The following NDUFA13 variants were observed in gnomAD, a reference collection of about 807,000 sequenced individuals.
NDUFA13 encodes NADH:ubiquinone oxidoreductase subunit A13.
NDUFA13 carries 16 observed loss-of-function variants against 17.0 expected under a neutral mutation model. The observed-to-expected ratio is 0.94, with a 90% CI of 0.64 to 1.43. NDUFA13 has a LOEUF of 1.43. Ranked by LOEUF, NDUFA13 falls within the 40% of genes most tolerant of loss-of-function variation. NDUFA13 has a pLI of 0.00. For synonymous variants in NDUFA13, 87 were observed against 78.4 expected (o/e 1.11, Z -0.58); for missense variants, 228 against 206.7 (o/e 1.10, Z -0.63).
chr19:19,527,458 C>G, intron 3 of NDUFA13, 106 bp downstream of exon 3: 1 of 1,350,608 alleles, frequency 7.4e-7, no homozygotes, highest in Non-Finnish European at 1.1e-6. Flanking sequence ...TGGGGGCCAT[C>G]GCCCTGTGCC....
intron 1 of NDUFA13, among the ~76,000 whole-genome samples, chr19:19,525,421 C>G (rs1568359666): frequency 6.6e-6 from 1 of 152,238 alleles, no homozygotes; most frequent in Non-Finnish European, 1.5e-5. Flanking sequence ...CCCTGGAGGC[C>G]TGGAGATGGC....
Position 19,527,353 on chromosome 19 carries a change from G to A in NDUFA13, c.245+1G>A, listed in dbSNP as rs1242934959. On this transcript the variant is annotated splice_donor_variant, in intron 3 of 4. Transcript: ENST00000507754. LOFTEE classifies it high-confidence loss of function. ...TGTTACAGGCAGAAACCGACCGGAG[G>A]TAGCACCGCAGGGGCCAAGGTTGGG... 5.0e-6 allele frequency: 8 copies of A among 1,613,700 alleles called. No homozygotes were observed. The African/African-American group carries it at 9.3e-5, about 19-fold the overall frequency.
At chr19:19,527,464 G>C (rs1174752902) in intron 3 of NDUFA13, 112 bp downstream of exon 3, 1 of 1,337,644 alleles carries the variant, frequency 7.5e-7, no homozygotes, top group African/African-American at 1.4e-5. Context: ...CCATCGCCCT[G>C]TGCCGTCAGC....
intron 1 of NDUFA13, among the ~76,000 whole-genome samples, chr19:19,522,611 G>T (rs1184000731): frequency 6.7e-6 from 1 of 149,974 alleles, no homozygotes; most frequent in South Asian, 2.1e-4. Flanking sequence ...CCTGAGTAGC[G>T]GGGACTACAA....
chr19:19,516,260 C>G lies in NDUFA13; in HGVS notation c.22C>G (p.Gln8Glu), dbSNP rs777712324. The change falls in exon 1 of 5, where the codon CAG becomes GAG. Residue 8 changes from glutamine (Q) to glutamate (E), a missense_variant. Transcript: ENST00000507754. The stretch of plus-strand genomic sequence containing the variant: ...GAGTATGGCGGCGTCAAAGGTGAAG[C>G]AGGACATGCCTCCGCCGGGGGGCTA... Reference protein sequence around the residue: MAASKVKQDMPPPGGYGP... With the variant: MAASKVKEDMPPPGGYGP... The G allele has an allele frequency of 1.2e-6, 2 of 1,613,900 alleles. No homozygotes were observed. The highest frequency in any genetic ancestry group is 1.1e-5 in the South Asian group (1 of 91,096).
chr19:19,522,625 C>G (rs1413528459), intron 1 of NDUFA13, among the ~76,000 whole-genome samples: 1 of 151,762 alleles, frequency 6.6e-6, no homozygotes, highest in Non-Finnish European at 1.5e-5. Context: ...ACTACAAGTG[C>G]CAGCCACCAC....
chr19:19,517,170 G>A (rs1246212936), intron 1 of NDUFA13, among the ~76,000 whole-genome samples: 1 of 152,014 alleles, frequency 6.6e-6, no homozygotes, highest in Non-Finnish European at 1.5e-5. Flanking sequence ...CTTAAAAGGC[G>A]CCCATACTCA....
intron 3 of NDUFA13, 27 bp from the exon 4 acceptor site, chr19:19,527,674 C>CCCCCACCATCGGCCCCAT: frequency 6.5e-7 from 1 of 1,540,628 alleles, no homozygotes; most frequent in Non-Finnish European, 8.8e-7. Context: ...TGAGGCCCCA[C>CCCCCACCATCGGCCCCAT]CCCCACCATC....
At position 19,528,157 on chromosome 19, in the gene NDUFA13, G is replaced by GC. The variant is rs1385703497; in HGVS notation, c.*35dup. On this transcript the variant is annotated 3_prime_UTR_variant, in exon 5 of 5. Transcript: ENST00000507754. ...GTGCCCTCCGGCCACCTGGATCCCT[G>GC]CCCCTCCCCACTGGGACGGAATAAA... 1 of 1,609,978 alleles carries GC rather than the reference G, an allele frequency of 6.2e-7. No homozygotes were observed. Among genetic ancestry groups the GC allele is most frequent in the Non-Finnish European group, 8.5e-7 (1 of 1,179,862 alleles).
In NDUFA13 at chr19:19,521,180, C is replaced by T. The variant is rs189262271; in HGVS notation, c.94+4848C>T. Among the ~76,000 whole-genome samples, 62 of 152,314 alleles carry T rather than the reference C, an allele frequency of 4.1e-4. 1 individual carries two copies. The East Asian group carries it at 8.3e-3, about 20-fold the overall frequency. ...ATGTATGAGAGTCCCAATTTCTCCA[C>T]GTCTCAACAACACTGATTATTTTCC... On this transcript the variant is annotated intron_variant, in intron 1 of 4. Transcript: ENST00000507754.
chr19:19,517,980 A>C (rs1205441993), intron 1 of NDUFA13, among the ~76,000 whole-genome samples: 1 of 152,048 alleles, frequency 6.6e-6, no homozygotes, highest in Non-Finnish European at 1.5e-5. Flanking sequence ...TGGGGGCTCT[A>C]CAAAAACAGA....
chr19:19,527,177 T>TCCG, intron 2 of NDUFA13, 104 bp from the exon 3 acceptor site: 1 of 266,072 alleles, frequency 3.8e-6, no homozygotes, highest in South Asian at 2.8e-5. Flanking sequence ...CCCGCCCCCC[T>TCCG]CCGCCTCTTC....
Position 19,526,214 on chromosome 19 carries a change from C to T in NDUFA13, c.127C>T (p.Leu43=). 1 of 1,614,156 alleles carries T rather than the reference C, an allele frequency of 6.2e-7. No individual in the cohort carries two copies. The highest frequency in any genetic ancestry group is 8.5e-7 in the Non-Finnish European group (1 of 1,180,022). ...CATGCTGGCCATAGGGATTGGAACC[C>T]TGATCTACGGGCACTGGAGCATAAT... ...YSMLAIGIGT[L]IYGHWSIMKW... is the part of the protein sequence containing the mutation. Residue 43 remains leucine (L), a synonymous_variant, in exon 2 of 5, where the codon CTG becomes TTG. Transcript: ENST00000507754.
intron 1 of NDUFA13, among the ~76,000 whole-genome samples, chr19:19,517,063 A>G (rs1600342225): frequency 6.6e-6 from 1 of 151,286 alleles, no homozygotes; most frequent in South Asian, 2.1e-4. Flanking sequence ...CTGGGATTAC[A>G]GGCGTGAGCC....
In NDUFA13 at chr19:19,526,219, C is replaced by T; in HGVS notation, c.132C>T (p.Ile44=). 1 of 1,614,164 alleles carries T rather than the reference C, an allele frequency of 6.2e-7. No homozygotes were observed. The highest frequency in any genetic ancestry group is 8.5e-7 in the Non-Finnish European group (1 of 1,180,020). The part of the protein sequence containing the change: ...SMLAIGIGTL[I]YGHWSIMKWN... Reference sequence around the variant, plus strand: ...TGGCCATAGGGATTGGAACCCTGATCTACGGGCACTGGAGCATAATGAAGT... The same window carrying T: ...TGGCCATAGGGATTGGAACCCTGATTTACGGGCACTGGAGCATAATGAAGT... Residue 44 remains isoleucine, a synonymous_variant, in exon 2 of 5, where the codon ATC becomes ATT. Transcript: ENST00000507754.
chr19:19,528,189 G>T lies in NDUFA13; in HGVS notation c.*63G>T. On this transcript the variant is annotated 3_prime_UTR_variant, in exon 5 of 5. Coordinates refer to ENST00000507754, the MANE Select transcript of NDUFA13 (RefSeq NM_015965.7). ...CCCACTGGGACGGAATAAATGCTCT[G>T]CAGACCTGGCCTGCCTGTTTTCCTG... 6.2e-7 allele frequency: 1 copy of T among 1,601,662 alleles called. No individual in the cohort carries two copies. Among genetic ancestry groups the T allele is most frequent in the Non-Finnish European group, 8.5e-7 (1 of 1,178,378 alleles).
intron 1 of NDUFA13, among the ~76,000 whole-genome samples, chr19:19,518,573 T>G (rs1357103836): frequency 3.3e-5 from 5 of 149,680 alleles, no homozygotes; most frequent in Non-Finnish European, 5.9e-5. Flanking sequence ...TGTGTGTGTT[T>G]TTTTTTTTTA....
At chr19:19,522,255 A>G (rs1340628215) in intron 1 of NDUFA13, among the ~76,000 whole-genome samples, 1 of 151,742 alleles carries the variant, frequency 6.6e-6, no homozygotes, top group African/African-American at 2.4e-5. Context: ...CAGTGAGCCG[A>G]GATTGTGCCA....
chr19:19,521,325 TTGCATATCAC>T (rs961395891), intron 1 of NDUFA13, among the ~76,000 whole-genome samples: 1 of 16,454 alleles, frequency 6.1e-5, no homozygotes, highest in African/African-American at 4.1e-4. Flanking sequence ...GATCGTTGAT[TTGCATATCAC>T]TGCTGGCTGA....
Sources: gnomAD v4.1 joint callset for allele counts (sites outside exome capture counted in the v4.1 genomes callset) on GRCh38, gnomAD v4.1.1 for gene constraint, MANE v1.5 for transcripts, NCBI Gene and HGNC (gene_info 2026-07-23, HGNC 2026-07-21) for gene names.